The following BMPER variants were observed in gnomAD, a reference collection of about 807,000 sequenced individuals.
The protein encoded by BMPER is BMP binding endothelial regulator.
BMPER carries 45 observed loss-of-function variants against 87.3 expected under a neutral mutation model. The observed-to-expected ratio is 0.52, with a 90% CI of 0.41 to 0.66. BMPER has a LOEUF of 0.66. BMPER is among the 30% of genes least tolerant of loss of function. The pLI is 0.00. For synonymous variants in BMPER, 326 were observed against 316.2 expected, an observed-to-expected ratio of 1.03 and a Z score of -0.33; for missense variants, 784 against 867.5, an observed-to-expected ratio of 0.90 and a Z score of 1.21.
chr7:34,076,322 A>G (rs1242022934), intron 11 of BMPER, among the ~76,000 whole-genome samples: 1 of 152,168 alleles, frequency 6.6e-6, no homozygotes, highest in Non-Finnish European at 1.5e-5. Flanking sequence ...AAAAATAACA[A>G]CGAATAAAAA....
intron 6 of BMPER, among the ~76,000 whole-genome samples, chr7:34,002,164 A>G (rs1017435972): frequency 2.1e-4 from 32 of 151,758 alleles, no homozygotes; most frequent in Non-Finnish European, 5.9e-5. Flanking sequence ...TTCTCTGTAG[A>G]CAGATGACCT....
intron 6 of BMPER, among the ~76,000 whole-genome samples, chr7:33,994,149 C>G (rs554859283): frequency 6.6e-6 from 1 of 152,328 alleles, no homozygotes; most frequent in South Asian, 2.1e-4. Flanking sequence ...GGGCTCCACC[C>G]AGTTCGAGCT....
intron 14 of BMPER, among the ~76,000 whole-genome samples, chr7:34,147,950 T>C (rs1041317914): frequency 1.3e-5 from 2 of 152,210 alleles, no homozygotes; most frequent in African/African-American, 4.8e-5. Flanking sequence ...ATCTAAAAGC[T>C]GTGCTGAATT....
chr7:34,049,856 G>A (rs1829555845), intron 7 of BMPER, among the ~76,000 whole-genome samples: 1 of 152,060 alleles, frequency 6.6e-6, no homozygotes, highest in African/African-American at 2.4e-5. Flanking sequence ...AATATTTAAA[G>A]CAGTGAAAAA....
chr7:34,137,956 A>C (rs1790763852), intron 13 of BMPER, among the ~76,000 whole-genome samples: 1 of 152,140 alleles, frequency 6.6e-6, no homozygotes, highest in Non-Finnish European at 1.5e-5. Context: ...ACAGAAATGG[A>C]TTCCCTGGCG....
At chr7:33,911,105 T>G (rs1783951085) in intron 2 of BMPER, among the ~76,000 whole-genome samples, 1 of 152,248 alleles carries the variant, frequency 6.6e-6, no homozygotes, top group African/African-American at 2.4e-5. Flanking sequence ...CCAAGTTGTT[T>G]CAGGTCATTT....
intron 6 of BMPER, among the ~76,000 whole-genome samples, chr7:34,007,222 G>A (rs2127938793): frequency 6.6e-6 from 1 of 152,204 alleles, no homozygotes; most frequent in East Asian, 1.9e-4. Flanking sequence ...TCTCATTTAT[G>A]AAATGAGGGG....
chr7:34,015,753 G>A (rs1787004916), intron 6 of BMPER, among the ~76,000 whole-genome samples: 1 of 151,940 alleles, frequency 6.6e-6, no homozygotes, highest in African/African-American at 2.4e-5. Flanking sequence ...CTGGAACAAT[G>A]TTATGGGACT....
At chr7:34,065,284 G>A (rs1788558310) in intron 11 of BMPER, among the ~76,000 whole-genome samples, 1 of 139,010 alleles carries the variant, frequency 7.2e-6, no homozygotes, top group Non-Finnish European at 1.5e-5. Context: ...TTACTGCGGA[G>A]TTTTCAACCT....
intron 11 of BMPER, among the ~76,000 whole-genome samples, chr7:34,070,809 G>A (rs999568518): frequency 6.2e-5 from 9 of 146,210 alleles, no homozygotes; most frequent in Admixed American, 1.4e-4. Context: ...TAATTTGAGC[G>A]GCAGAGCTTT....
At position 33,995,233 on chromosome 7, in the gene BMPER, T is replaced by A. The variant is rs561450447; in HGVS notation, c.576+20449T>A. Among the ~76,000 whole-genome samples the A allele has an allele frequency of 3.3e-5, 5 of 152,270 alleles. No homozygotes were observed. The East Asian group carries it at 9.7e-4, about 29-fold the overall frequency. On this transcript the variant is annotated intron_variant, in intron 6 of 14. Transcript: ENST00000649409. Reference sequence around the variant, plus strand: ...AGACTCTTACATAATAAAGTTTCTCTAAAATACTAAGACATGTGTGGTACC... The same window carrying A: ...AGACTCTTACATAATAAAGTTTCTCAAAAATACTAAGACATGTGTGGTACC...
rs1255398273 is a variant in BMPER at position 34,153,910 on chromosome 7, G to A, written c.*637G>A. ...GCCAAGAAATATATATTTGTCACTA[G>A]GGCATAACCGAAGAATCAAGTGATT... On this transcript the variant is annotated 3_prime_UTR_variant, in exon 15 of 15. Coordinates refer to ENST00000649409, the MANE Select transcript of BMPER (RefSeq NM_001365308.1). The A allele has an allele frequency of 6.4e-6, 1 of 155,194 alleles. No homozygotes were observed. The highest frequency in any genetic ancestry group is 1.4e-5 in the Non-Finnish European group (1 of 69,676). 9.6% of individuals were successfully genotyped at this position (155,194 alleles called of 1,614,324 possible). A position where few individuals can be genotyped will look rare whatever the true frequency, so the allele number is the denominator to read the frequency against.
rs1791263180 is a variant in BMPER, at chr7:34,154,444, T to C, written c.*1171T>C. 6.6e-6 allele frequency: 1 copy of C among 152,216 alleles called. No homozygotes were observed. The allele number at this position is 152,216 out of a possible 1,614,324, so 9.4% of individuals were successfully genotyped here. On this transcript the variant is annotated 3_prime_UTR_variant, in exon 15 of 15. Transcript: ENST00000649409. ...AACAAAAACAAAACCCACTGTGTCT[T>C]AAAATAAAATGTTCTGCATTGTAGT...
intron 10 of BMPER, 53 bp from the exon 11 acceptor site, chr7:34,061,949 T>G: frequency 1.5e-6 from 2 of 1,291,222 alleles, no homozygotes; most frequent in Non-Finnish European, 2.2e-6. Context: ...CAGGAGACCC[T>G]GTTTTTTTTT....
chr7:34,031,588 G>A (rs938998022), intron 6 of BMPER, among the ~76,000 whole-genome samples: 4 of 151,664 alleles, frequency 2.6e-5, no homozygotes, highest in African/African-American at 9.7e-5. Context: ...CCACAGCTCT[G>A]TACCTTTCAT....
intron 6 of BMPER, 24 bp from the exon 7 acceptor site, chr7:34,046,282 C>CT (rs370794922): frequency 3.6e-4 from 572 of 1,584,018 alleles, no homozygotes; most frequent in Non-Finnish European, 4.1e-4. Context: ...TCTAAATATG[C>CT]TTTTTTTTTC....
chr7:34,043,383 T>C (rs1489010399), intron 6 of BMPER, among the ~76,000 whole-genome samples: 1 of 152,170 alleles, frequency 6.6e-6, no homozygotes, highest in East Asian at 1.9e-4. Context: ...AGTGAGAGCA[T>C]GGAGAATTGA....
At chr7:34,080,291 C>A (rs1010467963) in intron 12 of BMPER, among the ~76,000 whole-genome samples, 5 of 152,114 alleles carry the variant, frequency 3.3e-5, no homozygotes, top group African/African-American at 1.2e-4. Flanking sequence ...AGAACCCTGG[C>A]AATTACTTCA....
intron 2 of BMPER, among the ~76,000 whole-genome samples, chr7:33,930,420 T>C (rs1314493839): frequency 1.3e-5 from 2 of 152,204 alleles, no homozygotes; most frequent in East Asian, 1.9e-4. Flanking sequence ...AATACTGCCA[T>C]TGGCAACCAC....
Sources: gnomAD v4.1 joint callset for allele counts (sites outside exome capture counted in the v4.1 genomes callset) on GRCh38, gnomAD v4.1.1 for gene constraint, MANE v1.5 for transcripts, NCBI Gene and HGNC (gene_info 2026-07-23, HGNC 2026-07-21) for gene names.